The following PRH1 variants were observed in gnomAD, a reference collection of about 807,000 sequenced individuals.
The protein encoded by PRH1 is salivary acidic proline-rich phosphoprotein 1/2.
In PRH1, 7 loss-of-function variants were observed where a neutral mutation model predicts 7.9. The observed-to-expected ratio is 0.89, with a 90% confidence interval of 0.50 to 1.67. PRH1 has a LOEUF of 1.67. Among genes scored for constraint, PRH1 ranks in the 40% most tolerant of loss-of-function variants. The pLI, the probability that PRH1 is intolerant of heterozygous loss-of-function variation, is 0.00. For synonymous variants in PRH1, 45 were observed against 80.8 expected (o/e 0.56, Z 2.38); for missense variants, 109 against 223.6 (o/e 0.49, Z 3.27).
chr12:10,971,689 A>G (rs1227674730), intron 2 of PRH1, among the ~76,000 whole-genome samples: 1 of 152,162 alleles, frequency 6.6e-6, no homozygotes, highest in Non-Finnish European at 1.5e-5. Flanking sequence ...TTCTAGGAGC[A>G]GTGTTTGAAA....
intron 1 of PRH1, among the ~76,000 whole-genome samples, chr12:11,094,787 T>C (rs1357243158): frequency 8.7e-6 from 1 of 115,274 alleles, no homozygotes; most frequent in Non-Finnish European, 2.0e-5. Flanking sequence ...ACTGGGAAAT[T>C]CCACAGTGTA....
chr12:11,151,937 A>G (rs904684078), intron 1 of PRH1, among the ~76,000 whole-genome samples: 2 of 117,226 alleles, frequency 1.7e-5, no homozygotes, highest in Non-Finnish European at 4.1e-5. Flanking sequence ...TTGGTATGTC[A>G]TATTTTTTTT....
chr12:11,128,663 T>C (rs1304918627), intron 1 of PRH1, among the ~76,000 whole-genome samples: 1 of 152,168 alleles, frequency 6.6e-6, no homozygotes, highest in African/African-American at 2.4e-5. Flanking sequence ...GAGAATCATT[T>C]GAACCCAGAA....
intron 1 of PRH1, among the ~76,000 whole-genome samples, chr12:11,138,384 A>G (rs772480184): frequency 1.3e-4 from 20 of 152,032 alleles, no homozygotes; most frequent in South Asian, 4.1e-4. Context: ...AAATTTGCCT[A>G]TGATTTTTCT....
At chr12:11,102,646 G>A (rs1054926714) in intron 1 of PRH1, among the ~76,000 whole-genome samples, 1 of 152,036 alleles carries the variant, frequency 6.6e-6, no homozygotes, top group African/African-American at 2.4e-5. Context: ...GGACTTCATG[G>A]CTAAAACACC....
At chr12:11,031,272 A>T in intron 1 of PRH1, 1 of 1,613,990 alleles carries the variant, frequency 6.2e-7, no homozygotes, top group South Asian at 1.1e-5. Flanking sequence ...CCATTAGCAA[A>T]ATTTCCAATA....
intron 1 of PRH1, among the ~76,000 whole-genome samples, chr12:11,099,344 C>A (rs1283739508): frequency 1.3e-5 from 2 of 151,282 alleles, no homozygotes; most frequent in Non-Finnish European, 2.9e-5. Flanking sequence ...CCCACCTGAT[C>A]CAGACTAAAT....
upstream of PRH1, among the ~76,000 whole-genome samples, chr12:11,049,927 C>T (rs1943075191): frequency 6.6e-6 from 1 of 152,202 alleles, no homozygotes; most frequent in African/African-American, 2.4e-5. Context: ...TGCACTGACA[C>T]ACTTAGCAGA....
intron 1 of PRH1, among the ~76,000 whole-genome samples, chr12:11,168,206 AAAG>A (rs1243481659): frequency 6.0e-4 from 24 of 39,846 alleles, no homozygotes; most frequent in Non-Finnish European, 1.2e-3. Flanking sequence ...AAAACGAAAG[AAAG>A]AAAGAAGAAA....
At chr12:10,968,670 G>C (rs1278749907) in intron 2 of PRH1, among the ~76,000 whole-genome samples, 7 of 152,234 alleles carry the variant, frequency 4.6e-5, no homozygotes, top group Non-Finnish European at 1.0e-4. Flanking sequence ...GAACCAGCCA[G>C]CTGCTTTAGG....
At chr12:11,163,370 T>C (rs79573313) in intron 1 of PRH1, among the ~76,000 whole-genome samples, 43,675 of 151,682 alleles carry the variant, frequency 0.29, 8,063 homozygotes, top group East Asian at 0.73. Flanking sequence ...AAAATAAAAA[T>C]AAAAACAAAT....
At chr12:11,111,552 A>G (rs1483982965) in intron 1 of PRH1, among the ~76,000 whole-genome samples, 3 of 152,324 alleles carry the variant, frequency 2.0e-5, no homozygotes, top group African/African-American at 4.8e-5. Flanking sequence ...TTGAATGACT[A>G]CTGAGTAAAT....
intron 1 of PRH1, among the ~76,000 whole-genome samples, chr12:11,143,607 C>T (rs1469332860): frequency 6.6e-6 from 1 of 151,992 alleles, no homozygotes; most frequent in African/African-American, 2.4e-5. Context: ...TTCGCCTATA[C>T]AGACATGCAC....
chr12:10,918,227 C>T (rs542567426), intron 2 of PRH1, among the ~76,000 whole-genome samples: 5 of 151,740 alleles, frequency 3.3e-5, no homozygotes, highest in African/African-American at 7.3e-5. Context: ...TGGGGCAGGA[C>T]GGGGGTGGGA....
chr12:10,958,525 A>C (rs1264199815), intron 2 of PRH1, among the ~76,000 whole-genome samples: 1 of 152,166 alleles, frequency 6.6e-6, no homozygotes, highest in East Asian at 1.9e-4. Context: ...GTTACATAAC[A>C]AACCTGCACA....
At chr12:10,975,581 C>T (rs1207774587) in intron 1 of PRH1, among the ~76,000 whole-genome samples, 8 of 152,024 alleles carry the variant, frequency 5.3e-5, no homozygotes, top group Admixed American at 4.6e-4. Context: ...ACACTAACCT[C>T]GAATGTAAAA....
intron 1 of PRH1, among the ~76,000 whole-genome samples, chr12:11,124,904 G>T (rs1023132078): frequency 6.6e-6 from 1 of 151,402 alleles, no homozygotes; most frequent in Non-Finnish European, 1.5e-5. Flanking sequence ...GTGCAATGGC[G>T]CAATATTGGC....
intron 1 of PRH1, among the ~76,000 whole-genome samples, chr12:11,166,784 A>C (rs1161371813): frequency 6.6e-6 from 1 of 152,236 alleles, no homozygotes; most frequent in Admixed American, 6.5e-5. Flanking sequence ...TCTACAGATC[A>C]GAAGTCTGGT....
Position 11,007,105 on chromosome 12 carries a change from G to A in PRH1, c.-125-33384C>T, listed in dbSNP as rs561948550. Among the ~76,000 whole-genome samples, 79 of 152,124 alleles carry A rather than the reference G, an allele frequency of 5.2e-4. 1 individual carries two copies. The highest frequency in any genetic ancestry group is 2.1e-3 in the East Asian group (11 of 5,162). Reference sequence around the variant, plus strand: ...AGTAAATGTCTAAACTGTTAAAAGAGCTTGGTCATACCTAGGATCGTATAA... The same window carrying A: ...AGTAAATGTCTAAACTGTTAAAAGAACTTGGTCATACCTAGGATCGTATAA... On this transcript the variant is annotated intron_variant, in intron 1 of 3. Transcript: ENST00000539853.
Sources: allele counts gnomAD v4.1 joint callset (sites outside exome capture counted in the v4.1 genomes callset), GRCh38; gene constraint gnomAD v4.1.1; transcripts MANE v1.5; gene names NCBI Gene and HGNC (gene_info 2026-07-23, HGNC 2026-07-21).